Variants in MAGI1 observed in about 807,000 individuals in gnomAD.
The protein encoded by MAGI1 is membrane associated guanylate kinase, WW and PDZ domain containing 1.
In MAGI1, 58 loss-of-function variants were observed where a neutral mutation model predicts 139.9. That is an observed-to-expected ratio of 0.41 (90% CI 0.34 to 0.52). The LOEUF is 0.52. MAGI1 is among the 20% of genes least tolerant of loss of function. The pLI is 0.12. For synonymous variants in MAGI1, 812 were observed against 737.9 expected (o/e 1.10, Z -1.63); for missense variants, 1,874 against 1,901.6 (o/e 0.99, Z 0.27).
At chr3:65,744,625 A>C (rs2035543269) in intron 1 of MAGI1, among the ~76,000 whole-genome samples, 1 of 152,208 alleles carries the variant, frequency 6.6e-6, no homozygotes, top group South Asian at 2.1e-4. Context: ...TATAGAAGAT[A>C]TAGACTATAT....
At position 65,591,272 on chromosome 3, in the gene MAGI1, G is replaced by A. The variant is rs189750060; in HGVS notation, c.430+30700C>T. Among the ~76,000 whole-genome samples the A allele has an allele frequency of 1.3e-4, 20 of 152,074 alleles. No individual in the cohort carries two copies. In the East Asian group the frequency reaches 3.7e-3, roughly 28 times the overall value. ...GCCTGGTGTCCCCCATCTAGCAAAT[G>A]ACTATTCTGTCCTTCCAGTTGTTCA... On this transcript the variant is annotated intron_variant, in intron 2 of 22. Transcript: ENST00000402939.
At chr3:65,897,531 G>A (rs1323726292) in intron 1 of MAGI1, among the ~76,000 whole-genome samples, 1 of 152,004 alleles carries the variant, frequency 6.6e-6, no homozygotes, top group Admixed American at 6.6e-5. Flanking sequence ...ACGAGTTAAT[G>A]GGTGCAGCAA....
At chr3:65,424,974 G>T (rs1946903742) in intron 12 of MAGI1, among the ~76,000 whole-genome samples, 1 of 151,640 alleles carries the variant, frequency 6.6e-6, no homozygotes. Flanking sequence ...TATTCAGGAG[G>T]CTAAGGCAGG....
At chr3:65,636,146 G>A (rs868694876) in intron 1 of MAGI1, among the ~76,000 whole-genome samples, 4 of 152,142 alleles carry the variant, frequency 2.6e-5, no homozygotes, top group African/African-American at 9.6e-5. Context: ...GGGAGGAGAG[G>A]GGCACCTATT....
At chr3:65,530,700 CACATAT>C (rs1576208055) in intron 2 of MAGI1, among the ~76,000 whole-genome samples, 1 of 130,034 alleles carries the variant, frequency 7.7e-6, no homozygotes, top group East Asian at 2.2e-4. Context: ...TATATATATA[CACATAT>C]ACACGTGTAT....
At chr3:65,835,282 G>A (rs571298100) in intron 1 of MAGI1, among the ~76,000 whole-genome samples, 3 of 152,248 alleles carry the variant, frequency 2.0e-5, no homozygotes, top group South Asian at 4.1e-4. Flanking sequence ...CAGGGACTAA[G>A]TACTATGTAA....
rs151277787 is a variant in MAGI1 at position 66,017,244 on chromosome 3, C to T, written c.313+20752G>A. ...AGGAGAAAGTAGGAGTTAGTCAGTG[C>T]GGGAAGACGCAAGCACTTGTGTCTC... On this transcript the variant is annotated intron_variant, in intron 1 of 22. Transcript: ENST00000402939. Among the ~76,000 whole-genome samples, 721 of 152,306 alleles carry T rather than the reference C, an allele frequency of 4.7e-3. 2 individuals carry two copies. The highest frequency in any genetic ancestry group is 0.015 in the African/African-American group (639 of 41,568).
At chr3:65,799,518 A>T (rs911390175) in intron 1 of MAGI1, among the ~76,000 whole-genome samples, 3 of 152,220 alleles carry the variant, frequency 2.0e-5, no homozygotes, top group African/African-American at 7.2e-5. Context: ...TTTCCAGCAG[A>T]GTTGAAGAAG....
intron 14 of MAGI1, among the ~76,000 whole-genome samples, chr3:65,389,949 C>A (rs187279055): frequency 1.3e-5 from 2 of 152,222 alleles, no homozygotes; most frequent in African/African-American, 2.4e-5. Flanking sequence ...CCTCTGCCCC[C>A]CAACTGCTGA....
At chr3:65,792,552 C>CTATATATATATA (rs2039859387) in intron 1 of MAGI1, among the ~76,000 whole-genome samples, 1 of 151,812 alleles carries the variant, frequency 6.6e-6, no homozygotes, top group African/African-American at 2.4e-5. Flanking sequence ...ATTGTTATAG[C>CTATATATATATA]TAGCTATATA....
At chr3:65,661,693 G>A (rs1172072897) in intron 1 of MAGI1, among the ~76,000 whole-genome samples, 6 of 149,122 alleles carry the variant, frequency 4.0e-5, no homozygotes, top group Non-Finnish European at 8.9e-5. Context: ...CCTGTTTTTA[G>A]TATTCTTAAA....
intron 2 of MAGI1, among the ~76,000 whole-genome samples, chr3:65,559,820 A>T (rs7645937): frequency 1.3e-5 from 2 of 152,120 alleles, no homozygotes; most frequent in Non-Finnish European, 2.9e-5. Context: ...GGATCCCTTG[A>T]GCTGAAGACT....
At chr3:65,671,929 T>C (rs868162044) in intron 1 of MAGI1, among the ~76,000 whole-genome samples, 1 of 152,186 alleles carries the variant, frequency 6.6e-6, no homozygotes, top group Non-Finnish European at 1.5e-5. Context: ...TGACCCGTGA[T>C]AGACTTACAA....
intron 1 of MAGI1, among the ~76,000 whole-genome samples, chr3:65,799,496 G>A (rs2040376860): frequency 6.6e-6 from 1 of 152,170 alleles, no homozygotes; most frequent in Non-Finnish European, 1.5e-5. Flanking sequence ...TGATGAAGAA[G>A]CAGCTGTCAC....
At chr3:66,026,037 C>CT (rs528015727) in intron 1 of MAGI1, among the ~76,000 whole-genome samples, 209 of 142,028 alleles carry the variant, frequency 1.5e-3, no homozygotes, top group African/African-American at 3.6e-3. Context: ...CCGGAGAAAG[C>CT]TTTTTTTTTT....
rs542296381 is a variant in MAGI1 at position 66,027,646 on chromosome 3, C to T, written c.313+10350G>A. On this transcript the variant is annotated intron_variant, in intron 1 of 22. Coordinates refer to ENST00000402939, the MANE Select transcript of MAGI1 (RefSeq NM_001033057.2). The stretch of plus-strand genomic sequence containing the variant: ...TCATCTACCTAGACAAACCCTTAAC[C>T]TGGGTTTAAGTGATGTATCAGAGGA... 6.7e-4 allele frequency among the ~76,000 whole-genome samples: 102 copies of T among 152,328 alleles called. No homozygotes were observed. In the Middle Eastern group the frequency reaches 0.014, roughly 20 times the overall value.
At chr3:65,979,082 T>A (rs2065415798) in intron 1 of MAGI1, among the ~76,000 whole-genome samples, 2 of 44,774 alleles carry the variant, frequency 4.5e-5, no homozygotes, top group African/African-American at 6.6e-5. Flanking sequence ...AGTTTTTTTC[T>A]TTTCTTCCCC....
At chr3:65,858,312 C>A (rs140354590) in intron 1 of MAGI1, among the ~76,000 whole-genome samples, 33 of 152,142 alleles carry the variant, frequency 2.2e-4, no homozygotes, top group African/African-American at 8.0e-4. Context: ...TGACATAATA[C>A]GAAGTGATGT....
At chr3:65,462,561 C>A (rs955346079) in intron 5 of MAGI1, among the ~76,000 whole-genome samples, 8 of 152,182 alleles carry the variant, frequency 5.3e-5, no homozygotes, top group Non-Finnish European at 1.0e-4. Flanking sequence ...ATGATGCCTC[C>A]AGCTTTGTTC....
Sources: gnomAD v4.1 joint callset for allele counts (sites outside exome capture counted in the v4.1 genomes callset) on GRCh38, gnomAD v4.1.1 for gene constraint, MANE v1.5 for transcripts, NCBI Gene and HGNC (gene_info 2026-07-23, HGNC 2026-07-21) for gene names.